The following NPAS3 variants were observed in gnomAD, a reference collection of about 807,000 sequenced individuals.
NPAS3 encodes the protein neuronal PAS domain-containing protein 3.
Under a neutral mutation model 73.1 loss-of-function variants are expected in NPAS3, and 14 were observed. The observed-to-expected ratio is 0.19, with a 90% CI of 0.13 to 0.30. The LOEUF (loss-of-function observed/expected upper bound fraction) is 0.30. Ranked by LOEUF, NPAS3 falls within the 10% of genes least tolerant of loss-of-function variation. The pLI is 1.00. For missense variants in NPAS3, 1,096 were observed against 1,250.0 expected (o/e 0.88, Z 1.86); for synonymous variants, 620 against 541.5 (o/e 1.14, Z -2.01).
At chr14:33,469,462 T>G (rs951817016) in intron 4 of NPAS3, among the ~76,000 whole-genome samples, 1 of 152,178 alleles carries the variant, frequency 6.6e-6, no homozygotes, top group African/African-American at 2.4e-5. Flanking sequence ...GGTATATAAC[T>G]TACTTAGGAC....
At chr14:33,215,000 CAGAGTT>C (rs2047167855) in intron 2 of NPAS3, 176 bp from the exon 3 acceptor site, 1 of 615,762 alleles carries the variant, frequency 1.6e-6, no homozygotes, top group African/African-American at 1.9e-5. Context: ...AATGTAAGGC[CAGAGTT>C]AGAGTTTATG....
intron 4 of NPAS3, among the ~76,000 whole-genome samples, chr14:33,559,743 G>A (rs1252849634): frequency 1.3e-5 from 2 of 152,224 alleles, no homozygotes; most frequent in East Asian, 3.9e-4. Context: ...GCGTGGCCGG[G>A]CGCGGTGGCT....
At chr14:32,938,523 G>GAGAGAGAGAGAGAGAGAGAGAGA (rs1343015828), upstream of NPAS3, among the ~76,000 whole-genome samples, 1 of 116,296 alleles carries the variant, frequency 8.6e-6, no homozygotes, top group African/African-American at 3.7e-5. Context: ...GAGAGAGAGA[G>GAGAGAGAGAGAGAGAGAGAGAGA]AAGGGGGGGG....
chr14:33,674,449 A>T (rs2059699082), intron 5 of NPAS3, among the ~76,000 whole-genome samples: 1 of 152,224 alleles, frequency 6.6e-6, no homozygotes, highest in Non-Finnish European at 1.5e-5. Flanking sequence ...ATTAAAACAC[A>T]CATTTTATTA....
chr14:33,768,742 A>G (rs1271292660), intron 7 of NPAS3, among the ~76,000 whole-genome samples: 1 of 152,174 alleles, frequency 6.6e-6, no homozygotes, highest in Non-Finnish European at 1.5e-5. Context: ...AGGACTGAAA[A>G]CAGATGTTCT....
intron 1 of NPAS3, among the ~76,000 whole-genome samples, chr14:33,000,729 G>A (rs1189941183): frequency 2.0e-5 from 3 of 152,188 alleles, no homozygotes; most frequent in Non-Finnish European, 2.9e-5. Flanking sequence ...GTTACAGATG[G>A]ATAGAGATAT....
intron 5 of NPAS3, among the ~76,000 whole-genome samples, chr14:33,636,820 A>G (rs2058531306): frequency 1.3e-5 from 2 of 151,972 alleles, no homozygotes; most frequent in Non-Finnish European, 2.9e-5. Flanking sequence ...CTAAAAATGA[A>G]AATCTTGTTG....
intron 1 of NPAS3, among the ~76,000 whole-genome samples, chr14:33,042,473 A>T (rs1308444886): frequency 6.6e-6 from 1 of 152,204 alleles, no homozygotes; most frequent in Non-Finnish European, 1.5e-5. Flanking sequence ...TTTTATTAAG[A>T]TAGAACTATC....
chr14:33,278,171 C>T (rs191999865), intron 3 of NPAS3, among the ~76,000 whole-genome samples: 264 of 152,108 alleles, frequency 1.7e-3, no homozygotes, highest in Non-Finnish European at 3.0e-3. Flanking sequence ...AGGAAACACA[C>T]GAGTTTGGAA....
chr14:32,967,217 A>T, intron 1 of NPAS3, among the ~76,000 whole-genome samples: 1 of 152,188 alleles, frequency 6.6e-6, no homozygotes, highest in Non-Finnish European at 1.5e-5. Flanking sequence ...ACTTCCACTT[A>T]ATGAATAGTA....
intron 3 of NPAS3, among the ~76,000 whole-genome samples, chr14:33,317,446 C>T (rs1385922381): frequency 4.6e-5 from 7 of 152,074 alleles, no homozygotes. Flanking sequence ...GGCTAGAATG[C>T]AAGCCCAAAT....
At chr14:33,051,738 A>G (rs1191312715) in intron 1 of NPAS3, among the ~76,000 whole-genome samples, 1 of 152,160 alleles carries the variant, frequency 6.6e-6, no homozygotes, top group Non-Finnish European at 1.5e-5. Flanking sequence ...TAGAATACCA[A>G]TTTAGGGGTA....
At chr14:33,170,402 C>T (rs1250696115) in intron 2 of NPAS3, among the ~76,000 whole-genome samples, 1 of 152,144 alleles carries the variant, frequency 6.6e-6, no homozygotes, top group Non-Finnish European at 1.5e-5. Context: ...ATGTTGGTGG[C>T]TGCTGGCTGA....
At chr14:33,732,119 A>T (rs1290149737) in intron 6 of NPAS3, among the ~76,000 whole-genome samples, 1 of 152,222 alleles carries the variant, frequency 6.6e-6, no homozygotes, top group African/African-American at 2.4e-5. Flanking sequence ...TGCTTCTTAG[A>T]CATAAACTGT....
intron 2 of NPAS3, among the ~76,000 whole-genome samples, chr14:33,211,788 TGTA>T (rs1329410850): frequency 1.1e-4 from 16 of 152,216 alleles, no homozygotes; most frequent in African/African-American, 2.9e-4. Context: ...AGGATGATAA[TGTA>T]GTCATCAAAA....
chr14:32,950,047 A>G (rs2036420476), intron 1 of NPAS3, among the ~76,000 whole-genome samples: 1 of 152,090 alleles, frequency 6.6e-6, no homozygotes. Context: ...AAATCATGAG[A>G]TTAAATACAT....
At chr14:33,468,025 G>A (rs559212155) in intron 4 of NPAS3, among the ~76,000 whole-genome samples, 3 of 152,154 alleles carry the variant, frequency 2.0e-5, no homozygotes, top group South Asian at 2.1e-4. Context: ...CCTAACAGCA[G>A]TAGACACACC....
chr14:33,800,090 A>G lies in NPAS3; in HGVS notation c.1783A>G (p.Ser595Gly). 1 of 1,591,652 alleles carries G rather than the reference A, an allele frequency of 6.3e-7. No homozygotes were observed. The highest frequency in any genetic ancestry group is 8.5e-7 in the Non-Finnish European group (1 of 1,172,544). ...AGGCGAGGCGGGCGCGCAGGCCTCC[A>G]GCAAGCACCAGAAGCGCAAGAAAAG... Residue 595 changes from serine (S) to glycine (G), a missense_variant, in exon 12 of 12, where the codon AGC becomes GGC. Physicochemically the swap from Ser to Gly is moderately conservative, Grantham distance 56 (BLOSUM62 0). Transcript: ENST00000356141. This position sits in a 1 kb window ranked among gnomAD's most constrained non-coding sequence, Gnocchi z 6.5.
intron 7 of NPAS3, among the ~76,000 whole-genome samples, chr14:33,769,756 CTTTTTTT>C (rs916953785): frequency 2.2e-4 from 18 of 81,882 alleles, no homozygotes; most frequent in Admixed American, 7.3e-4. Flanking sequence ...TTTTTTTTTT[CTTTTTTT>C]TTTTTTTTTT....
Sources: gnomAD v4.1 joint callset for allele counts (sites outside exome capture counted in the v4.1 genomes callset) on GRCh38, gnomAD v4.1.1 for gene constraint, Gnocchi (gnomAD v3.1) non-coding constraint, MANE v1.5 for transcripts, NCBI Gene and HGNC (gene_info 2026-07-23, HGNC 2026-07-21) for gene names.